SPAG16: variants seen among roughly 807,000 people sequenced by gnomAD.
SPAG16 encodes the protein sperm associated antigen 16.
Under a neutral mutation model 80.4 loss-of-function variants are expected in SPAG16, and 86 were observed. That is an observed-to-expected ratio of 1.07 (90% CI 0.90 to 1.28). The LOEUF (loss-of-function observed/expected upper bound fraction) is 1.28, where lower values mean the gene tolerates loss of function less well. Among genes scored for constraint, SPAG16 ranks in the 50% most tolerant of loss-of-function variants. SPAG16 has a pLI of 0.00. For synonymous variants in SPAG16, 294 were observed against 265.9 expected (o/e 1.11, Z -1.03); for missense variants, 870 against 765.3 (o/e 1.14, Z -1.61).
intron 10 of SPAG16, among the ~76,000 whole-genome samples, chr2:213,813,131 C>T (rs940845808): frequency 7.9e-5 from 12 of 152,094 alleles, no homozygotes; most frequent in African/African-American, 2.4e-4. Context: ...AACAGTGACA[C>T]GATAACTTTT....
intron 1 of SPAG16, among the ~76,000 whole-genome samples, chr2:213,290,131 T>A (rs1002310740): frequency 2.0e-5 from 3 of 152,216 alleles, no homozygotes; most frequent in African/African-American, 7.2e-5. Flanking sequence ...TCCCATTTTC[T>A]GAAAAGATCG....
At chr2:213,470,950 C>G (rs1251800352) in intron 9 of SPAG16, among the ~76,000 whole-genome samples, 1 of 152,204 alleles carries the variant, frequency 6.6e-6, no homozygotes, top group Non-Finnish European at 1.5e-5. Context: ...GATCATCAAG[C>G]CAAACCATTG....
chr2:213,911,835 C>A (rs79749309), intron 11 of SPAG16, among the ~76,000 whole-genome samples: 378 of 125,880 alleles, frequency 3.0e-3, no homozygotes, highest in Middle Eastern at 4.3e-3. Flanking sequence ...AAACAGTTAG[C>A]AAAAAAAAAA....
In SPAG16 at chr2:213,859,993, T is replaced by TTGATGATGA. The variant is rs112613257; in HGVS notation, c.1071-2473_1071-2465dup. On this transcript the variant is annotated intron_variant, in intron 10 of 15. Transcript: ENST00000331683. ...CAATGTTAAATATCATTACCATTAG[T>TTGATGATGA]TGATGATGATGATGATGATGATGAT... Among the ~76,000 whole-genome samples the TTGATGATGA allele has an allele frequency of 1.4e-4, 21 of 150,670 alleles. 1 individual carries two copies. The highest frequency in any genetic ancestry group is 2.2e-4 in the African/African-American group (9 of 41,108).
At chr2:213,598,134 A>G (rs1054506819) in intron 10 of SPAG16, among the ~76,000 whole-genome samples, 1 of 152,160 alleles carries the variant, frequency 6.6e-6, no homozygotes, top group Admixed American at 6.5e-5. Flanking sequence ...TGTAATCTCA[A>G]GATGTTATAT....
At chr2:214,163,639 G>T (rs187834880) in intron 15 of SPAG16, among the ~76,000 whole-genome samples, 3,782 of 149,004 alleles carry the variant, frequency 0.025, 102 homozygotes, top group African/African-American at 0.026. Flanking sequence ...TATATATATA[G>T]AGAGAGAGAG....
intron 15 of SPAG16, among the ~76,000 whole-genome samples, chr2:214,207,717 A>C (rs2058181978): frequency 6.6e-6 from 1 of 152,190 alleles, no homozygotes; most frequent in Non-Finnish European, 1.5e-5. Context: ...CATTTGAGTC[A>C]GGGGATTGGG....
chr2:214,059,695 A>C (rs1399808484), intron 13 of SPAG16, among the ~76,000 whole-genome samples: 1 of 152,030 alleles, frequency 6.6e-6, no homozygotes, highest in Non-Finnish European at 1.5e-5. Flanking sequence ...CTATCACTTA[A>C]AGAATTTTGG....
rs529119490 is a variant in SPAG16, at chr2:214,406,528, T to C, written c.1721-3612T>C. On this transcript the variant is annotated intron_variant, in intron 15 of 15. Transcript: ENST00000331683. ...TAAGTATATTCAAATATTCAAGTTTTTATAACAAATTCAATTGAAACTGTT... is the reference window on the plus strand; with the variant it reads ...TAAGTATATTCAAATATTCAAGTTTCTATAACAAATTCAATTGAAACTGTT... Among the ~76,000 whole-genome samples, 29 of 152,282 alleles carry C rather than the reference T, an allele frequency of 1.9e-4. 1 individual carries two copies. The highest frequency in any genetic ancestry group is 1.8e-3 in the Admixed American group (28 of 15,300).
chr2:213,997,371 G>A (rs1450706606), intron 12 of SPAG16, among the ~76,000 whole-genome samples: 1 of 152,138 alleles, frequency 6.6e-6, no homozygotes, highest in Non-Finnish European at 1.5e-5. Context: ...AGCTCAGAAG[G>A]GTTCGGCCTA....
intron 15 of SPAG16, among the ~76,000 whole-genome samples, chr2:214,305,974 C>G (rs1694881182): frequency 6.6e-6 from 1 of 151,846 alleles, no homozygotes; most frequent in African/African-American, 2.4e-5. Context: ...GGCAGTATGA[C>G]CATTTTAATG....
At chr2:213,871,040 A>G (rs1191511957) in intron 11 of SPAG16, among the ~76,000 whole-genome samples, 1 of 152,138 alleles carries the variant, frequency 6.6e-6, no homozygotes, top group Non-Finnish European at 1.5e-5. Flanking sequence ...AATTTTAGGG[A>G]CATACTCACA....
chr2:213,333,875 A>G (rs1179775160), intron 5 of SPAG16, among the ~76,000 whole-genome samples: 2 of 151,942 alleles, frequency 1.3e-5, no homozygotes, highest in Non-Finnish European at 2.9e-5. Context: ...CTAAGAGAAA[A>G]CTAAAAGAAA....
intron 12 of SPAG16, among the ~76,000 whole-genome samples, chr2:213,983,688 C>T (rs916742969): frequency 6.6e-6 from 1 of 151,838 alleles, no homozygotes; most frequent in African/African-American, 2.4e-5. Context: ...GTCATTTTTT[C>T]TTGAGTATCA....
At chr2:214,406,594 C>A (rs1702010226) in intron 15 of SPAG16, among the ~76,000 whole-genome samples, 1 of 151,960 alleles carries the variant, frequency 6.6e-6, no homozygotes, top group Non-Finnish European at 1.5e-5. Context: ...AAAATAAATA[C>A]AGCATATAAA....
At chr2:213,495,522 G>A (rs779868578) in intron 10 of SPAG16, among the ~76,000 whole-genome samples, 6 of 152,162 alleles carry the variant, frequency 3.9e-5, no homozygotes, top group Non-Finnish European at 8.8e-5. Context: ...CACGTGTCAG[G>A]CACTACTCTG....
intron 10 of SPAG16, among the ~76,000 whole-genome samples, chr2:213,701,495 A>G (rs1230293427): frequency 6.6e-6 from 1 of 152,030 alleles, no homozygotes; most frequent in Non-Finnish European, 1.5e-5. Flanking sequence ...GCACTGTGGG[A>G]GCCCCTCTCT....
At chr2:214,390,822 A>C (rs376431730) in intron 15 of SPAG16, among the ~76,000 whole-genome samples, 22 of 152,324 alleles carry the variant, frequency 1.4e-4, no homozygotes, top group African/African-American at 4.6e-4. Context: ...TCTGAAATGG[A>C]GCTGCCAGTC....
At chr2:213,366,886 C>G (rs563820578) in intron 8 of SPAG16, among the ~76,000 whole-genome samples, 1 of 152,080 alleles carries the variant, frequency 6.6e-6, no homozygotes, top group African/African-American at 2.4e-5. Context: ...GTGCTGCACC[C>G]ATTAACTCAT....
Sources: gnomAD v4.1 joint callset for allele counts (sites outside exome capture counted in the v4.1 genomes callset) on GRCh38, gnomAD v4.1.1 for gene constraint, MANE v1.5 for transcripts, NCBI Gene and HGNC (gene_info 2026-07-23, HGNC 2026-07-21) for gene names.